The following NUP160 variants were observed in gnomAD, a reference collection of about 807,000 sequenced individuals.
NUP160 encodes nuclear pore complex protein Nup160.
A neutral mutation model predicts 196.9 loss-of-function variants in NUP160; 94 were observed. The observed-to-expected ratio is 0.48, with a 90% CI of 0.40 to 0.57. The LOEUF (loss-of-function observed/expected upper bound fraction) is 0.57. Among genes scored for constraint, NUP160 ranks in the 20% least tolerant of loss-of-function variants. The pLI, the probability that NUP160 is intolerant of heterozygous loss-of-function variation, is 0.00. For synonymous variants in NUP160, 605 were observed against 619.7 expected (o/e 0.98, Z 0.35); for missense variants, 1,638 against 1,748.3 (o/e 0.94, Z 1.13).
chr11:47,800,278 G>A (rs902819089), intron 23 of NUP160, among the ~76,000 whole-genome samples: 1 of 150,940 alleles, frequency 6.6e-6, no homozygotes, highest in Non-Finnish European at 1.5e-5. Flanking sequence ...TAGTATATAC[G>A]ATTATATAAA....
At chr11:47,832,418 C>A (rs1852095956) in intron 7 of NUP160, among the ~76,000 whole-genome samples, 1 of 152,222 alleles carries the variant, frequency 6.6e-6, no homozygotes, top group African/African-American at 2.4e-5. Context: ...TTCCGGAGGT[C>A]ATAAGATTTG....
intron 29 of NUP160, among the ~76,000 whole-genome samples, chr11:47,790,788 T>C (rs1043673400): frequency 6.6e-6 from 1 of 152,172 alleles, no homozygotes; most frequent in African/African-American, 2.4e-5. Flanking sequence ...GCAAGTGTCC[T>C]TTCCCCTCAG....
chr11:47,788,246 C>G, exon 31 of NUP160: 1 of 1,613,878 alleles, frequency 6.2e-7, no homozygotes, highest in Non-Finnish European at 8.5e-7. Context: ...AGTGATATGG[C>G]AGTGTCAAAG....
intron 23 of NUP160, among the ~76,000 whole-genome samples, chr11:47,800,578 A>C (rs989747528): frequency 1.9e-4 from 29 of 152,082 alleles, no homozygotes; most frequent in African/African-American, 6.3e-4. Context: ...CTTTTAGTAG[A>C]GATGGGTTTC....
At chr11:47,814,262 T>C (rs1335576455) in intron 13 of NUP160, among the ~76,000 whole-genome samples, 1 of 151,882 alleles carries the variant, frequency 6.6e-6, no homozygotes, top group East Asian at 1.9e-4. Flanking sequence ...AGAGACACAA[T>C]AACTAAATAC....
At chr11:47,848,374 G>A in exon 1 of NUP160, 1 of 1,608,906 alleles carries the variant, frequency 6.2e-7, no homozygotes, top group Non-Finnish European at 8.5e-7. Flanking sequence ...CGCGGTCGCC[G>A]TCACTTCCGG....
intron 29 of NUP160, among the ~76,000 whole-genome samples, chr11:47,789,944 CTT>C (rs34563280): frequency 6.8e-4 from 89 of 130,090 alleles, no homozygotes; most frequent in Admixed American, 8.7e-4. Context: ...ATATACTGTA[CTT>C]TTTTTTTTTT....
At chr11:47,790,100 C>A (rs1367428321) in intron 29 of NUP160, among the ~76,000 whole-genome samples, 1 of 151,808 alleles carries the variant, frequency 6.6e-6, no homozygotes, top group East Asian at 1.9e-4. Flanking sequence ...AATGCGCCAC[C>A]ACGCCCAGCT....
At chr11:47,835,540 A>G in intron 7 of NUP160, 111 bp downstream of exon 7, 1 of 827,964 alleles carries the variant, frequency 1.2e-6, no homozygotes, top group Non-Finnish European at 1.8e-6. Context: ...ATCACCTCAG[A>G]AACACATCTA....
intron 7 of NUP160, among the ~76,000 whole-genome samples, chr11:47,822,650 G>C (rs189625893): frequency 1.0e-3 from 155 of 151,402 alleles, no homozygotes; most frequent in Non-Finnish European, 9.9e-4. Flanking sequence ...GTATACATGT[G>C]CCATGTTGGT....
intron 7 of NUP160, among the ~76,000 whole-genome samples, chr11:47,833,312 G>C (rs1364333751): frequency 1.3e-5 from 2 of 151,876 alleles, no homozygotes; most frequent in Admixed American, 1.3e-4. Flanking sequence ...AAAATTAGCC[G>C]GGTATGGTGG....
In NUP160 at chr11:47,841,586, C is replaced by T. The variant is rs775375577; in HGVS notation, c.315-998G>A. The T allele has an allele frequency of 8.3e-5, 35 of 423,334 alleles. 1 individual carries two copies. Among genetic ancestry groups the T allele is most frequent in the Middle Eastern group, 7.2e-4 (2 of 2,768 alleles). 26.2% of individuals were successfully genotyped at this position (423,334 alleles called of 1,614,324 possible). ...TGGGATGGATCTACGAGTTTGCCAC[C>T]GAAGACAGCCAGTGTTACAAGGAAG... is the stretch of plus-strand genomic sequence containing the variant. On this transcript the variant is annotated intron_variant, in intron 2 of 35. Coordinates refer to ENST00000378460, the Ensembl canonical transcript of NUP160.
chr11:47,831,206 A>C (rs896922491), intron 7 of NUP160, among the ~76,000 whole-genome samples: 11 of 152,180 alleles, frequency 7.2e-5, no homozygotes, highest in Non-Finnish European at 1.6e-4. Flanking sequence ...AATGATGTGA[A>C]TAAACATTTC....
chr11:47,783,203 G>A lies in NUP160; in HGVS notation c.3991-5C>T, dbSNP rs571284770. On this transcript the variant is annotated splice_region_variant and splice_polypyrimidine_tract_variant and intron_variant, in intron 33 of 35. Transcript: ENST00000378460. ...CAATTCAGCAGCATCAACCTTCTGT[G>A]AAAAGTCAGTGATTAAGAATATGTA... 1.2e-6 allele frequency: 2 copies of A among 1,612,562 alleles called. No homozygotes were observed. Among genetic ancestry groups the A allele is most frequent in the African/African-American group, 1.3e-5 (1 of 74,974 alleles).
In NUP160 at chr11:47,786,443, A is replaced by AG; in HGVS notation, c.3848+9dup. On this transcript the variant is annotated intron_variant, in intron 32 of 35. Coordinates refer to ENST00000378460, the Ensembl canonical transcript of NUP160. Reference sequence around the variant, plus strand: ...GCAAAACTACCCAGGGTTGAACACCAGGGTTGTACCTAGACTCCTTAGTAG... The same window carrying AG: ...GCAAAACTACCCAGGGTTGAACACCAGGGGTTGTACCTAGACTCCTTAGTAG... The AG allele has an allele frequency of 1.3e-6, 2 of 1,572,806 alleles. No homozygotes were observed. The highest frequency in any genetic ancestry group is 8.8e-7 in the Non-Finnish European group (1 of 1,142,756).
intron 3 of NUP160, 37 bp from the exon 4 acceptor site, chr11:47,840,102 A>T: frequency 2.0e-6 from 3 of 1,514,822 alleles, no homozygotes; most frequent in Non-Finnish European, 2.7e-6. Flanking sequence ...TATTAAATCA[A>T]AATAACCAGA....
intron 9 of NUP160, among the ~76,000 whole-genome samples, chr11:47,819,743 C>T (rs1433202508): frequency 6.6e-6 from 1 of 152,150 alleles, no homozygotes; most frequent in East Asian, 1.9e-4. Flanking sequence ...CATTTTAACA[C>T]TAAGGCATCA....
rs200980822 is a variant in NUP160, at chr11:47,848,361, C to A, written c.60G>T (p.Arg20=). ...GACGCCCAACGGAACAAAGGCAGGG[C>A]CGCGCGGTCGCCGTCACTTCCGGGG... The change falls in exon 1 of 36, where the codon CGG becomes CGT. Residue 20 remains arginine, a synonymous_variant. Coordinates refer to ENST00000378460, the Ensembl canonical transcript of NUP160. 5.6e-6 allele frequency: 9 copies of A among 1,611,218 alleles called. No individual in the cohort carries two copies. The Admixed American group carries it at 1.3e-4, about 24-fold the overall frequency.
At chr11:47,815,855 A>G in intron 12 of NUP160, 91 bp downstream of exon 12, 1 of 1,087,540 alleles carries the variant, frequency 9.2e-7, no homozygotes, top group Non-Finnish European at 1.4e-6. Flanking sequence ...AACAAGGTCA[A>G]GTGAAGAATT....
Sources: allele counts gnomAD v4.1 joint callset (sites outside exome capture counted in the v4.1 genomes callset), GRCh38; gene constraint gnomAD v4.1.1; transcripts MANE v1.5; gene names NCBI Gene and HGNC (gene_info 2026-07-23, HGNC 2026-07-21).